ZHX2: variants seen among roughly 807,000 people sequenced by gnomAD.
The protein encoded by ZHX2 is zinc fingers and homeoboxes protein 2.
In ZHX2, 6 loss-of-function variants were observed where a neutral mutation model predicts 21.9. The observed-to-expected ratio is 0.27, with a 90% CI of 0.15 to 0.54. The LOEUF (loss-of-function observed/expected upper bound fraction) is 0.54. Ranked by LOEUF, ZHX2 falls within the 20% of genes least tolerant of loss-of-function variation. The pLI is 0.95. For synonymous variants in ZHX2, 434 were observed against 437.1 expected (o/e 0.99, Z 0.09); for missense variants, 908 against 1,090.7 (o/e 0.83, Z 2.36).
rs141998249 is a variant in ZHX2 at position 122,902,509 on chromosome 8, AAGGACCTG to A, written c.-220+38976_-220+38983del. ...GAGAGTTGTACAAATTTATATACAT[AAGGACCTG>A]AGGACAATGACTGGCACATAGAAAG... On this transcript the variant is annotated intron_variant, in intron 2 of 3. Coordinates refer to ENST00000314393, the MANE Select transcript of ZHX2 (RefSeq NM_014943.5). 5.3e-5 allele frequency among the ~76,000 whole-genome samples: 8 copies of A among 152,334 alleles called. No homozygotes were observed. The East Asian group carries it at 1.5e-3, about 29-fold the overall frequency.
intron 1 of ZHX2, among the ~76,000 whole-genome samples, chr8:122,859,256 A>G (rs952970344): frequency 1.3e-5 from 2 of 152,198 alleles, no homozygotes; most frequent in Non-Finnish European, 2.9e-5. Flanking sequence ...TAAATGGAGA[A>G]AACAGAACTG....
chr8:122,847,642 C>T, intron 1 of ZHX2, among the ~76,000 whole-genome samples: 1 of 152,240 alleles, frequency 6.6e-6, no homozygotes, highest in East Asian at 1.9e-4. Context: ...CACCAGAACC[C>T]ACCTTCGCAC....
chr8:122,939,260 G>T (rs986768546), intron 2 of ZHX2, among the ~76,000 whole-genome samples: 3 of 152,212 alleles, frequency 2.0e-5, no homozygotes, highest in Admixed American at 6.5e-5. Flanking sequence ...CATGTCCAGG[G>T]TCTCTCACCC....
chr8:122,838,020 G>A (rs570860054), intron 1 of ZHX2, among the ~76,000 whole-genome samples: 15 of 152,316 alleles, frequency 9.8e-5, no homozygotes, highest in Admixed American at 2.6e-4. Context: ...GGAAGAGCCC[G>A]TTGAGCTTTG....
intron 1 of ZHX2, among the ~76,000 whole-genome samples, chr8:122,806,936 A>C (rs6991460): frequency 0.67 from 101,238 of 152,076 alleles, 33,792 homozygotes; most frequent in African/African-American, 0.72. Context: ...GGGATAGATA[A>C]CCAGACCTCC....
At chr8:122,966,308 G>A (rs1264015507) in intron 3 of ZHX2, among the ~76,000 whole-genome samples, 1 of 152,060 alleles carries the variant, frequency 6.6e-6, no homozygotes, top group Non-Finnish European at 1.5e-5. Context: ...TTGTTTTAAG[G>A]TTTAGGACTC....
intron 3 of ZHX2, among the ~76,000 whole-genome samples, chr8:122,957,453 G>A (rs531755791): frequency 7.3e-6 from 1 of 136,156 alleles, no homozygotes; most frequent in African/African-American, 2.7e-5. Flanking sequence ...ATATTTTGGA[G>A]GTCCATTGTT....
At chr8:122,955,936 T>C (rs151038557) in intron 3 of ZHX2, among the ~76,000 whole-genome samples, 4,659 of 149,496 alleles carry the variant, frequency 0.031, 101 homozygotes, top group Admixed American at 0.071. Context: ...CCTCCACCTC[T>C]TGGGTTCAAG....
chr8:122,959,382 T>TTGAATGAA (rs142115173), intron 3 of ZHX2, among the ~76,000 whole-genome samples: 10 of 151,618 alleles, frequency 6.6e-5, no homozygotes, highest in South Asian at 4.2e-4. Flanking sequence ...ATGCAGATAT[T>TTGAATGAA]TGAATGAATG....
At chr8:122,827,789 C>A (rs1474758469) in intron 1 of ZHX2, among the ~76,000 whole-genome samples, 1 of 152,058 alleles carries the variant, frequency 6.6e-6, no homozygotes, top group Admixed American at 6.6e-5. Context: ...ACATTTGCAC[C>A]AACCTAATAT....
intron 1 of ZHX2, among the ~76,000 whole-genome samples, chr8:122,827,689 ATAAT>A (rs1818292166): frequency 1.3e-5 from 2 of 152,270 alleles, no homozygotes; most frequent in Admixed American, 6.5e-5. Context: ...CTGTACATAA[ATAAT>A]TAAGAAATGG....
intron 1 of ZHX2, among the ~76,000 whole-genome samples, chr8:122,794,945 G>A (rs958428936): frequency 1.2e-4 from 18 of 152,196 alleles, no homozygotes; most frequent in African/African-American, 4.3e-4. Flanking sequence ...TAACCTGTTA[G>A]AAATCTAAGC....
At chr8:122,931,743 G>A (rs1820999941) in intron 2 of ZHX2, among the ~76,000 whole-genome samples, 1 of 152,156 alleles carries the variant, frequency 6.6e-6, no homozygotes, top group South Asian at 2.1e-4. Context: ...GATGTAACTG[G>A]TCTAGGATGT....
chr8:122,892,096 G>A (rs376416338), intron 2 of ZHX2, among the ~76,000 whole-genome samples: 2 of 152,072 alleles, frequency 1.3e-5, no homozygotes, highest in African/African-American at 2.4e-5. Flanking sequence ...TTTTATATCC[G>A]GGTGTTCCTG....
chr8:122,940,935 G>A (rs992050299), intron 2 of ZHX2, among the ~76,000 whole-genome samples: 3 of 152,184 alleles, frequency 2.0e-5, no homozygotes, highest in African/African-American at 7.2e-5. Flanking sequence ...GAATAATAGA[G>A]ATTGTGCATG....
chr8:122,940,361 G>A (rs915082305), intron 2 of ZHX2, among the ~76,000 whole-genome samples: 2 of 152,176 alleles, frequency 1.3e-5, no homozygotes, highest in African/African-American at 4.8e-5. Context: ...GGGGCTCCCG[G>A]TTCACATGGG....
Position 122,952,812 on chromosome 8 carries a change from C to A in ZHX2, c.1302C>A (p.Ala434=). 5 of 1,614,090 alleles carry A rather than the reference C, an allele frequency of 3.1e-6. No individual in the cohort carries two copies. Among genetic ancestry groups the A allele is most frequent in the Non-Finnish European group, 4.2e-6 (5 of 1,180,030 alleles). The change falls in exon 3 of 4, where the codon GCC becomes GCA. Residue 434 remains alanine, a synonymous_variant. Coordinates refer to ENST00000314393, the MANE Select transcript of ZHX2 (RefSeq NM_014943.5). This position sits in a 1 kb window ranked among gnomAD's most constrained non-coding sequence, Gnocchi z 6.9. ...AQVPEPPPKV[A]NPPLTPASDR... The stretch of plus-strand genomic sequence containing the variant: ...TGCCAGAGCCCCCACCCAAGGTGGC[C>A]AACCCCCCGCTCACACCAGCCAGTG...
At chr8:122,850,639 C>CAAAAA (rs60682747) in intron 1 of ZHX2, among the ~76,000 whole-genome samples, 7 of 114,156 alleles carry the variant, frequency 6.1e-5, no homozygotes, top group South Asian at 2.9e-4. Context: ...GACTCTGTCT[C>CAAAAA]AAAAAAAAAA....
intron 1 of ZHX2, among the ~76,000 whole-genome samples, chr8:122,862,734 G>GA (rs934744885): frequency 1.3e-5 from 2 of 152,150 alleles, no homozygotes; most frequent in African/African-American, 4.8e-5. Context: ...AGGGAAACAA[G>GA]AAAAAACAAG....
Sources: gnomAD v4.1 joint callset for allele counts (sites outside exome capture counted in the v4.1 genomes callset) on GRCh38, gnomAD v4.1.1 for gene constraint, Gnocchi (gnomAD v3.1) non-coding constraint, MANE v1.5 for transcripts, NCBI Gene and HGNC (gene_info 2026-07-23, HGNC 2026-07-21) for gene names.